CIT: variants seen among roughly 807,000 people sequenced by gnomAD.
The protein encoded by CIT is citron Rho-interacting kinase.
CIT carries 79 observed loss-of-function variants against 272.7 expected under a neutral mutation model. The ratio of observed to expected loss-of-function variants is 0.29; its 90% CI spans 0.24 to 0.35. The LOEUF is 0.35. Ranked by LOEUF, CIT falls within the 10% of genes least tolerant of loss-of-function variation. CIT has a pLI of 1.00. For missense variants in CIT, 1,909 were observed against 2,618.3 expected (o/e 0.73, Z 5.91); for synonymous variants, 948 against 995.6 (o/e 0.95, Z 0.90).
At chr12:119,706,410 GT>G (rs1956880494) in intron 40 of CIT, among the ~76,000 whole-genome samples, 3 of 152,242 alleles carry the variant, frequency 2.0e-5, no homozygotes, top group Admixed American at 2.0e-4. Context: ...GTATCCATTA[GT>G]TATTTTTCCC....
chr12:119,813,024 C>CAGGCCCCCTGTTGTGGCA (rs1328174656), intron 9 of CIT, among the ~76,000 whole-genome samples: 7 of 152,210 alleles, frequency 4.6e-5, no homozygotes, highest in Non-Finnish European at 8.8e-5. Flanking sequence ...TTATTTCCAT[C>CAGGCCCCCTGTTGTGGCA]AGGCCCCCTG....
chr12:119,709,779 AGAGAGAGAGTGTGT>A (rs1187989764), intron 39 of CIT, among the ~76,000 whole-genome samples: 4 of 60,266 alleles, frequency 6.6e-5, no homozygotes, highest in Middle Eastern at 7.7e-3. Context: ...AGAGAGAGAG[AGAGAGAGAGTGTGT>A]GTGTGTGTGT....
chr12:119,861,675 A>G (rs867130072), intron 3 of CIT, among the ~76,000 whole-genome samples: 2 of 152,216 alleles, frequency 1.3e-5, no homozygotes, highest in Admixed American at 6.5e-5. Flanking sequence ...GCAAAAGCCA[A>G]CATAGCTGGG....
intron 32 of CIT, among the ~76,000 whole-genome samples, chr12:119,716,674 C>T (rs1957504624): frequency 6.6e-6 from 1 of 152,150 alleles, no homozygotes; most frequent in East Asian, 1.9e-4. Context: ...ACTCCTCACA[C>T]TGTTGGTAGA....
At chr12:119,793,645 T>C (rs1288503709) in intron 10 of CIT, among the ~76,000 whole-genome samples, 1 of 152,224 alleles carries the variant, frequency 6.6e-6, no homozygotes, top group African/African-American at 2.4e-5. Flanking sequence ...CACCCATAGG[T>C]TAGTGGCAGC....
At chr12:119,752,805 A>G (rs1960432272) in intron 22 of CIT, among the ~76,000 whole-genome samples, 1 of 152,210 alleles carries the variant, frequency 6.6e-6, no homozygotes, top group Non-Finnish European at 1.5e-5. Context: ...TTCATTTAAC[A>G]AAAATTTACT....
intron 26 of CIT, among the ~76,000 whole-genome samples, chr12:119,732,216 A>AG (rs1958497232): frequency 6.6e-6 from 1 of 152,222 alleles, no homozygotes; most frequent in East Asian, 1.9e-4. Flanking sequence ...AACAGAAAAA[A>AG]GAAAAAAAAG....
chr12:119,692,448 C>A lies in CIT; in HGVS notation c.5883-1994G>T, dbSNP rs1263506612. On this transcript the variant is annotated intron_variant, in intron 46 of 47. Transcript: ENST00000392521. ...ACTGTATCAGAACCTCTTCTGTCAA[C>A]GTCCATAATTGAGAAGCGACAGCAA... is the stretch of plus-strand genomic sequence containing the variant. Among the ~76,000 whole-genome samples, 3 of 152,194 alleles carry A rather than the reference C, an allele frequency of 2.0e-5. 1 individual carries two copies. The highest frequency in any genetic ancestry group is 1.3e-4 in the Admixed American group (2 of 15,280).
chr12:119,704,542 G>A (rs768090427), intron 40 of CIT, 87 bp from the exon 41 acceptor site: 34 of 1,145,276 alleles, frequency 3.0e-5, no homozygotes, highest in South Asian at 2.9e-4. Context: ...CAGGCTCAGC[G>A]CCATTGATGA....
At position 119,850,303 on chromosome 12, in the gene CIT, A is replaced by G. The variant is rs202024628; in HGVS notation, c.415-28T>C. 549 of 1,431,160 alleles carry G rather than the reference A, an allele frequency of 3.8e-4. 5 individuals are homozygous for G. The highest frequency in any genetic ancestry group is 8.2e-4 in the East Asian group (36 of 43,714). The allele number at this position is 1,431,160 out of a possible 1,614,324, so 88.7% of individuals were successfully genotyped here. A position where few individuals can be genotyped will look rare whatever the true frequency, so the allele number is the denominator to read the frequency against. On this transcript the variant is annotated intron_variant, in intron 4 of 47. Coordinates refer to ENST00000392521, the MANE Select transcript of CIT (RefSeq NM_001206999.2). ...AGGGAAAAAAGAAACTGCTTAGACAATTATAAAGAACTGTGAGAGGAAAAA... is the reference window on the plus strand; with the variant it reads ...AGGGAAAAAAGAAACTGCTTAGACAGTTATAAAGAACTGTGAGAGGAAAAA...
rs1962541999 is a variant in CIT at position 119,767,138 on chromosome 12, G to T, written c.2253C>A (p.His751Gln). Residue 751 changes from histidine (H) to glutamine (Q), a missense_variant, in exon 19 of 48, where the codon CAC becomes CAA. Around this residue, in one of 8 missense-constraint regions of CIT, gnomAD observed 530 missense variants for 822.4 expected, o/e 0.64. Coordinates refer to ENST00000392521, the MANE Select transcript of CIT (RefSeq NM_001206999.2). ...CTTTCTGTTTCAGGTGCACTTCTAG[G>T]TGCTGGGCTGAGACTTGGGCCTCCC... ...KHREAQVSAQ[H>Q]LEVHLKQKEQ... The T allele has an allele frequency of 6.2e-7, 1 of 1,610,726 alleles. No individual in the cohort carries two copies. The highest frequency in any genetic ancestry group is 1.3e-5 in the African/African-American group (1 of 74,978).
At chr12:119,711,152 A>G in intron 37 of CIT, 1 of 1,329,334 alleles carries the variant, frequency 7.5e-7, no homozygotes, top group East Asian at 4.6e-5. Flanking sequence ...ACGACCAACA[A>G]GTCATCCAAA....
intron 19 of CIT, among the ~76,000 whole-genome samples, chr12:119,762,783 C>A (rs879867980): frequency 2.0e-5 from 3 of 152,146 alleles, no homozygotes; most frequent in Non-Finnish European, 4.4e-5. Flanking sequence ...ATGCCTCTAA[C>A]CCCAGCACTT....
At chr12:119,825,453 T>C in intron 7 of CIT, 85 bp from the exon 8 acceptor site, 1 of 1,284,428 alleles carries the variant, frequency 7.8e-7, no homozygotes, top group South Asian at 1.4e-5. Context: ...AGACACAAGC[T>C]GATTTGCCAC....
At chr12:119,763,566 C>T (rs933637391) in intron 19 of CIT, among the ~76,000 whole-genome samples, 2 of 152,090 alleles carry the variant, frequency 1.3e-5, no homozygotes, top group African/African-American at 2.4e-5. Context: ...CCAAAAATAA[C>T]GCCAGCGGTA....
intron 10 of CIT, among the ~76,000 whole-genome samples, chr12:119,788,266 T>A (rs749745188): frequency 1.3e-5 from 2 of 152,220 alleles, no homozygotes; most frequent in African/African-American, 2.4e-5. Flanking sequence ...TTCCTTTTCA[T>A]ATAAGATGAA....
rs150022205 is a variant in CIT, at chr12:119,704,935, C to T, written c.5212-480G>A. On this transcript the variant is annotated intron_variant, in intron 40 of 47. Coordinates refer to ENST00000392521, the MANE Select transcript of CIT (RefSeq NM_001206999.2). ...AGAGAAAATTTCTTTTCTTCTGAGA[C>T]GGAGTCTCACTCTGTCGCCCAGGCT... 1.6e-3 allele frequency among the ~76,000 whole-genome samples: 243 copies of T among 152,288 alleles called. 1 individual carries two copies. The highest frequency in any genetic ancestry group is 5.6e-3 in the African/African-American group (233 of 41,564).
In CIT at chr12:119,869,066, G is replaced by A. The variant is rs186505065; in HGVS notation, c.232C>T (p.Arg78Trp). Residue 78 changes from arginine (R) to tryptophan (W), a missense_variant, in exon 3 of 48, where the codon CGG becomes TGG. By Grantham distance (101) the Arg-to-Trp change is moderately radical. Transcript: ENST00000392521. ...AAAAGTTCCCCAAACTTACACTTCC[G>A]GACAAAGTTGCTCACGTGCTTAATC... The part of the protein sequence containing the change: ...MKIKHVSNFV[R>W]KYSDTIAELQ... The A allele has an allele frequency of 1.1e-4, 170 of 1,609,756 alleles. 1 individual carries two copies. The Admixed American group carries it at 2.4e-3, about 23-fold the overall frequency.
At chr12:119,700,280 A>G (rs1956482831) in intron 44 of CIT, among the ~76,000 whole-genome samples, 1 of 152,250 alleles carries the variant, frequency 6.6e-6, no homozygotes, top group African/African-American at 2.4e-5. Flanking sequence ...TTCCATGAAC[A>G]GTTCTCCGGG....
Sources: gnomAD v4.1 joint callset for allele counts (sites outside exome capture counted in the v4.1 genomes callset) on GRCh38, gnomAD v4.1.1 for gene constraint, gnomAD v4.1.1 regional missense constraint, MANE v1.5 for transcripts, NCBI Gene and HGNC (gene_info 2026-07-23, HGNC 2026-07-21) for gene names.